The following AHRR variants were observed in gnomAD, a reference collection of about 807,000 sequenced individuals.
The protein encoded by AHRR is aryl hydrocarbon receptor repressor, also known as ahR repressor.
AHRR carries 28 observed loss-of-function variants against 44.0 expected under a neutral mutation model. The ratio of observed to expected loss-of-function variants is 0.64; its 90% CI spans 0.47 to 0.87. The LOEUF is 0.87. Among genes scored for constraint, AHRR ranks in the 40% least tolerant of loss-of-function variants. The probability of loss-of-function intolerance (pLI) is 0.00; values close to 1 mark genes in which losing one functional copy is unlikely to be tolerated. For synonymous variants in AHRR, 434 were observed against 407.0 expected (o/e 1.07, Z -0.80); for missense variants, 990 against 953.9 (o/e 1.04, Z -0.50).
intron 6 of AHRR, among the ~76,000 whole-genome samples, chr5:423,472 C>T (rs1736227056): frequency 6.6e-6 from 1 of 152,172 alleles, no homozygotes; most frequent in South Asian, 2.1e-4. Flanking sequence ...CTCCTGGGTT[C>T]TCTCGCACGT....
At chr5:420,467 C>T (rs1423098453) in intron 5 of AHRR, among the ~76,000 whole-genome samples, 2 of 152,214 alleles carry the variant, frequency 1.3e-5, no homozygotes, top group East Asian at 1.9e-4. Context: ...TGCAGTTGAA[C>T]GGAGGTGGGG....
intron 3 of AHRR, 138 bp from the exon 4 acceptor site, chr5:376,472 A>C: frequency 1.6e-6 from 1 of 626,128 alleles, no homozygotes; most frequent in Admixed American, 2.9e-5. Flanking sequence ...TGGCCTGCAG[A>C]GGGGTCAGTG....
chr5:413,812 T>C (rs1419182102), intron 5 of AHRR, among the ~76,000 whole-genome samples: 1 of 152,194 alleles, frequency 6.6e-6, no homozygotes, highest in Admixed American at 6.5e-5. Flanking sequence ...ACACAGCTTG[T>C]TGTGGAAATG....
At chr5:414,107 A>G (rs933502868) in intron 5 of AHRR, among the ~76,000 whole-genome samples, 4 of 152,170 alleles carry the variant, frequency 2.6e-5, no homozygotes, top group African/African-American at 9.7e-5. Context: ...TACTAAAAAT[A>G]CAAAAATTAG....
chr5:331,166 C>T (rs1356766213), intron 1 of AHRR, among the ~76,000 whole-genome samples: 6 of 152,236 alleles, frequency 3.9e-5, no homozygotes, highest in African/African-American at 9.6e-5. Flanking sequence ...TGAGCCACTG[C>T]GCCTGGCCAG....
intron 10 of AHRR, among the ~76,000 whole-genome samples, 159 bp from the exon 11 acceptor site, chr5:433,694 G>A (rs559049667): frequency 2.4e-4 from 36 of 152,098 alleles, no homozygotes; most frequent in Non-Finnish European, 4.6e-4. Context: ...TGGGCTGCTG[G>A]GGGGGTTAGA....
At chr5:386,117 G>C (rs1330597558) in intron 4 of AHRR, among the ~76,000 whole-genome samples, 1 of 151,920 alleles carries the variant, frequency 6.6e-6, no homozygotes, top group Non-Finnish European at 1.5e-5. Flanking sequence ...TAAATTTCAA[G>C]AGTCTTTACC....
intron 3 of AHRR, among the ~76,000 whole-genome samples, chr5:373,890 C>T: frequency 6.6e-6 from 1 of 150,958 alleles, no homozygotes; most frequent in Non-Finnish European, 1.5e-5. Flanking sequence ...GCCTGGCTGG[C>T]CCCATCGCGT....
chr5:413,086 C>T (rs1442410479), intron 4 of AHRR, among the ~76,000 whole-genome samples: 2 of 152,228 alleles, frequency 1.3e-5, no homozygotes, highest in African/African-American at 4.8e-5. Context: ...GTCTCACTGT[C>T]GCGTCAAGAC....
Position 406,117 on chromosome 5 carries a change from AG to A in AHRR, c.352-7225del, listed in dbSNP as rs1282322620. Among the ~76,000 whole-genome samples the A allele has an allele frequency of 6.6e-6, 1 of 152,348 alleles. No individual in the cohort carries two copies. The highest frequency in any genetic ancestry group is 2.4e-5 in the African/African-American group (1 of 41,584). On this transcript the variant is annotated intron_variant, in intron 4 of 10. Transcript: ENST00000684583. The surrounding 1 kb of genome is among the most constrained non-coding windows in gnomAD (Gnocchi z 4.7). The stretch of plus-strand genomic sequence containing the variant: ...AAAAAAACTAGGGAGAAAACGGGAA[AG>A]GAAAGGCATTGTCCGGAAGAAGCCT...
In AHRR at chr5:415,758, C is replaced by T. The variant is rs73038957; in HGVS notation, c.441+2325C>T. Reference sequence around the variant, plus strand: ...GTGCAGAGCAGCAGGCAGTGGAAGCCACGAACCACCCCGCTCGCCCACACT... The same window carrying T: ...GTGCAGAGCAGCAGGCAGTGGAAGCTACGAACCACCCCGCTCGCCCACACT... On this transcript the variant is annotated intron_variant, in intron 5 of 10. Coordinates refer to ENST00000684583, the MANE Select transcript of AHRR (RefSeq NM_001377236.1). Among the ~76,000 whole-genome samples, 776 of 152,272 alleles carry T rather than the reference C, an allele frequency of 5.1e-3. 4 individuals carry two copies. The highest frequency in any genetic ancestry group is 0.018 in the African/African-American group (742 of 41,538).
rs1399460586 is a variant in AHRR at position 321,747 on chromosome 5, C to G, written c.-83C>G. On this transcript the variant is annotated 5_prime_UTR_variant, in exon 1 of 11. Transcript: ENST00000684583. The surrounding 1 kb of genome is among the most constrained non-coding windows in gnomAD (Gnocchi z 8.3). ...TTCCCGGGATGCGAGCGCCGGCACC[C>G]GCCGCCACAGCTCCTGGCCAGGGCG... 1 of 151,458 alleles carries G rather than the reference C, an allele frequency of 6.6e-6. No homozygotes were observed. The allele number at this position is 151,458 out of a possible 1,614,324, so 9.4% of individuals were successfully genotyped here. A position where few individuals can be genotyped will look rare whatever the true frequency, so the allele number is the denominator to read the frequency against.
At chr5:335,557 C>T (rs73041255) in intron 1 of AHRR, among the ~76,000 whole-genome samples, 1 of 152,272 alleles carries the variant, frequency 6.6e-6, no homozygotes, top group Non-Finnish European at 1.5e-5. Context: ...CAAGCTTGCT[C>T]TAGCCCCCTG....
At chr5:328,553 C>G (rs1250992844) in intron 1 of AHRR, among the ~76,000 whole-genome samples, 3 of 152,226 alleles carry the variant, frequency 2.0e-5, no homozygotes, top group East Asian at 3.9e-4. Flanking sequence ...ACCTGGCCGT[C>G]TTTTTAATAA....
intron 4 of AHRR, among the ~76,000 whole-genome samples, chr5:410,032 T>C (rs1687332323): frequency 6.6e-6 from 1 of 152,208 alleles, no homozygotes; most frequent in Non-Finnish European, 1.5e-5. Context: ...CCTTCCCCAC[T>C]GATTGACCTA....
chr5:428,347 C>A (rs57481959), intron 8 of AHRR, among the ~76,000 whole-genome samples: 1 of 152,178 alleles, frequency 6.6e-6, no homozygotes, highest in Non-Finnish European at 1.5e-5. Flanking sequence ...CTTGGCTGCC[C>A]GCCCTTCACA....
At chr5:413,260 G>A (rs1735543003) in intron 4 of AHRR, 84 bp from the exon 5 acceptor site, 1 of 1,005,298 alleles carries the variant, frequency 9.9e-7, no homozygotes, top group South Asian at 1.5e-5. Flanking sequence ...GGAAATTGTT[G>A]AAAATTTAAG....
rs777709316 is a variant in AHRR at position 434,238 on chromosome 5, T to G, written c.1498T>G (p.Phe500Val). Residue 500 changes from phenylalanine to valine, a missense_variant, in exon 11 of 11, where the codon TTT becomes GTT. Coordinates refer to ENST00000684583, the MANE Select transcript of AHRR (RefSeq NM_001377236.1). ...GCTCCCTCAGCCTGGAGCTCAGCGT[T>G]TTGCCACGAGGGGCTATCCCATGGA... ...HQLPQPGAQRFATRGYPMEDM... is the reference protein window; with the variant it reads ...HQLPQPGAQRVATRGYPMEDM... 5.7e-6 allele frequency: 9 copies of G among 1,592,548 alleles called. No individual in the cohort carries two copies. The highest frequency in any genetic ancestry group is 7.7e-6 in the Non-Finnish European group (9 of 1,169,290).
At chr5:417,978 A>G (rs72711366) in intron 5 of AHRR, among the ~76,000 whole-genome samples, 16,124 of 152,254 alleles carry the variant, frequency 0.11, 1,136 homozygotes, top group Non-Finnish European at 0.14. Flanking sequence ...CTTTAGGCGT[A>G]TATTTTAGTT....
Sources: allele counts gnomAD v4.1 joint callset (sites outside exome capture counted in the v4.1 genomes callset), GRCh38; gene constraint gnomAD v4.1.1; non-coding constraint Gnocchi (gnomAD v3.1); transcripts MANE v1.5; gene names NCBI Gene and HGNC (gene_info 2026-07-23, HGNC 2026-07-21).